The following BMPR1A variants were observed in gnomAD, a reference collection of about 807,000 sequenced individuals.
BMPR1A encodes bone morphogenetic protein receptor type-1A.
BMPR1A carries 7 observed loss-of-function variants against 66.0 expected under a neutral mutation model. The observed-to-expected ratio is 0.11, with a 90% CI of 0.06 to 0.20. The LOEUF is 0.20. Ranked by LOEUF, BMPR1A falls within the 10% of genes least tolerant of loss-of-function variation. The pLI, the probability that BMPR1A is intolerant of heterozygous loss-of-function variation, is 1.00. For synonymous variants in BMPR1A, 200 were observed against 229.7 expected (o/e 0.87, Z 1.17); for missense variants, 408 against 669.1 (o/e 0.61, Z 4.31).
intron 5 of BMPR1A, among the ~76,000 whole-genome samples, chr10:86,897,109 C>T (rs1272218772): frequency 6.6e-6 from 1 of 152,186 alleles, no homozygotes; most frequent in Non-Finnish European, 1.5e-5. Flanking sequence ...TTTCAGAAAC[C>T]TCACTGCCAT....
intron 3 of BMPR1A, chr10:86,889,701 G>A (rs763970534): frequency 4.0e-6 from 1 of 249,980 alleles, no homozygotes; most frequent in Non-Finnish European, 7.8e-6. Flanking sequence ...GCATAATTGT[G>A]GTGGTGGGGG....
chr10:86,831,123 A>G (rs1457126108), intron 1 of BMPR1A, among the ~76,000 whole-genome samples: 1 of 152,138 alleles, frequency 6.6e-6, no homozygotes, highest in Non-Finnish European at 1.5e-5. Flanking sequence ...TTGTTTAGCC[A>G]TTTGTCAGCT....
intron 1 of BMPR1A, among the ~76,000 whole-genome samples, chr10:86,830,487 C>T (rs1015215483): frequency 6.6e-6 from 1 of 152,184 alleles, no homozygotes; most frequent in South Asian, 2.1e-4. Flanking sequence ...TCTTCACATT[C>T]GTGTCCACAT....
intron 1 of BMPR1A, among the ~76,000 whole-genome samples, chr10:86,792,064 T>G (rs1180090261): frequency 5.1e-5 from 3 of 58,918 alleles, no homozygotes; most frequent in African/African-American, 1.3e-4. Flanking sequence ...CTGTCAGATC[T>G]TTTTTTTTTT....
rs1841703935 is a variant in BMPR1A, at chr10:86,795,949, CTT to C, written c.-268+39032_-268+39033del. 7.2e-5 allele frequency among the ~76,000 whole-genome samples: 11 copies of C among 152,150 alleles called. No individual in the cohort carries two copies. The South Asian group carries it at 2.3e-3, about 32-fold the overall frequency. On this transcript the variant is annotated intron_variant, in intron 1 of 12. Transcript: ENST00000372037. ...TTATATTTTGAGGGGAAAAAAATAA[CTT>C]TCTTGGCACAAAATGGCCATGAATT...
At chr10:86,806,017 A>G (rs1046414547) in intron 1 of BMPR1A, among the ~76,000 whole-genome samples, 1 of 151,158 alleles carries the variant, frequency 6.6e-6, no homozygotes, top group African/African-American at 2.4e-5. Flanking sequence ...TTCCTTAGCC[A>G]CCTGTTGTGT....
chr10:86,803,928 C>T (rs1006643903), intron 1 of BMPR1A, among the ~76,000 whole-genome samples: 7 of 152,072 alleles, frequency 4.6e-5, no homozygotes, highest in African/African-American at 1.7e-4. Context: ...TTTCATCTTT[C>T]ACAAGTCTTC....
intron 1 of BMPR1A, among the ~76,000 whole-genome samples, chr10:86,804,860 A>C (rs1841868100): frequency 6.8e-6 from 1 of 148,060 alleles, no homozygotes; most frequent in Admixed American, 6.8e-5. Flanking sequence ...AGAATAGCAG[A>C]AATTTATTGT....
chr10:86,919,217 T>G lies in BMPR1A; in HGVS notation c.914T>G (p.Leu305Arg), dbSNP rs1453306253. 1.2e-6 allele frequency: 2 copies of G among 1,613,788 alleles called. No individual in the cohort carries two copies. Among genetic ancestry groups the G allele is most frequent in the Non-Finnish European group, 8.5e-7 (1 of 1,179,860 alleles). Reference sequence around the variant, plus strand: ...AAAGGTACAGGTTCCTGGACTCAGCTCTATTTGATTACTGATTACCATGAA... The same window carrying G: ...AAAGGTACAGGTTCCTGGACTCAGCGCTATTTGATTACTGATTACCATGAA... ...DIKGTGSWTQLYLITDYHENG... is the reference protein window; with the variant it reads ...DIKGTGSWTQRYLITDYHENG... Residue 305 changes from leucine to arginine, a missense_variant, in exon 10 of 13, where the codon CTC becomes CGC. Physicochemically the swap from Leu to Arg is moderately radical, Grantham distance 102 (BLOSUM62 -2). Coordinates refer to ENST00000372037, the MANE Select transcript of BMPR1A (RefSeq NM_004329.3).
chr10:86,870,201 G>A (rs527248826), intron 2 of BMPR1A, among the ~76,000 whole-genome samples: 28 of 152,220 alleles, frequency 1.8e-4, no homozygotes, highest in African/African-American at 5.8e-4. Context: ...CGATTTGTAT[G>A]TTCAGCCCCA....
At chr10:86,778,494 G>A (rs1222066734) in intron 1 of BMPR1A, among the ~76,000 whole-genome samples, 4 of 151,928 alleles carry the variant, frequency 2.6e-5, no homozygotes, top group African/African-American at 4.8e-5. Flanking sequence ...TTCTTCCATC[G>A]TGGCCCAGGG....
At chr10:86,788,700 T>C (rs1841553049) in intron 1 of BMPR1A, among the ~76,000 whole-genome samples, 1 of 150,750 alleles carries the variant, frequency 6.6e-6, no homozygotes, top group Non-Finnish European at 1.5e-5. Flanking sequence ...CTCCGCCTCC[T>C]GGGTTCACGC....
At chr10:86,759,656 C>T (rs1841000298) in intron 1 of BMPR1A, among the ~76,000 whole-genome samples, 1 of 152,172 alleles carries the variant, frequency 6.6e-6, no homozygotes, top group African/African-American at 2.4e-5. Context: ...ATTCTGAATT[C>T]ATATTGGTGT....
At chr10:86,874,331 A>G (rs1281923740) in intron 2 of BMPR1A, among the ~76,000 whole-genome samples, 3 of 152,220 alleles carry the variant, frequency 2.0e-5, no homozygotes, top group Non-Finnish European at 2.9e-5. Context: ...TTTCATCTTA[A>G]TAAAGTCAAA....
At chr10:86,887,077 C>T (rs1843076646) in intron 3 of BMPR1A, among the ~76,000 whole-genome samples, 1 of 152,006 alleles carries the variant, frequency 6.6e-6, no homozygotes, top group Admixed American at 6.6e-5. Flanking sequence ...AGGTGATGTG[C>T]CCACTTTGGC....
chr10:86,819,076 C>T (rs1324747944), intron 1 of BMPR1A, among the ~76,000 whole-genome samples: 1 of 152,144 alleles, frequency 6.6e-6, no homozygotes, highest in Non-Finnish European at 1.5e-5. Flanking sequence ...ACGTATTAAA[C>T]AGTACTCAGC....
chr10:86,821,976 G>T (rs12412718), intron 1 of BMPR1A, among the ~76,000 whole-genome samples: 10,997 of 152,050 alleles, frequency 0.072, 540 homozygotes, highest in Non-Finnish European at 0.11. Flanking sequence ...GCTAATTTTT[G>T]TATTTTTTGT....
At chr10:86,852,120 T>TTA (rs1554884587) in intron 2 of BMPR1A, among the ~76,000 whole-genome samples, 5 of 142,940 alleles carry the variant, frequency 3.5e-5, no homozygotes, top group African/African-American at 1.0e-4. Flanking sequence ...TCACAACTGT[T>TTA]AAAAAAAAAA....
intron 1 of BMPR1A, among the ~76,000 whole-genome samples, chr10:86,818,096 G>A (rs1463638345): frequency 1.3e-5 from 2 of 152,156 alleles, no homozygotes; most frequent in African/African-American, 4.8e-5. Flanking sequence ...TCAGCTCACT[G>A]CAACCTCTGC....
Sources: allele counts gnomAD v4.1 joint callset (sites outside exome capture counted in the v4.1 genomes callset), GRCh38; gene constraint gnomAD v4.1.1; transcripts MANE v1.5; gene names NCBI Gene and HGNC (gene_info 2026-07-23, HGNC 2026-07-21).